Variants in CHST9 observed in about 807,000 individuals in gnomAD.
CHST9 encodes carbohydrate sulfotransferase 9, also known as GalNAc-4-sulfotransferase 2.
CHST9 carries 41 observed loss-of-function variants against 44.4 expected under a neutral mutation model. The observed-to-expected ratio is 0.92, with a 90% CI of 0.72 to 1.20. CHST9 has a LOEUF of 1.20. Ranked by LOEUF, CHST9 falls within the 50% of genes most tolerant of loss-of-function variation. CHST9 has a pLI of 0.00. For missense variants in CHST9, 504 were observed against 516.5 expected, an observed-to-expected ratio of 0.98 and a Z score of 0.23; for synonymous variants, 171 against 178.4, an observed-to-expected ratio of 0.96 and a Z score of 0.33.
chr18:27,142,080 T>C (rs2058572970), intron 2 of CHST9, among the ~76,000 whole-genome samples: 1 of 152,216 alleles, frequency 6.6e-6, no homozygotes, highest in Admixed American at 6.5e-5. Flanking sequence ...CCAGCTGTTT[T>C]TGTAAATAAA....
chr18:26,910,846 A>G lies in CHST9; in HGVS notation c.*5413T>C, dbSNP rs150283552. 4 of 152,298 alleles carry G rather than the reference A, an allele frequency of 2.6e-5. No homozygotes were observed. The highest frequency in any genetic ancestry group is 7.2e-5 in the African/African-American group (3 of 41,576). The allele number at this position is 152,298 out of a possible 1,614,324, so 9.4% of individuals were successfully genotyped here. ...TTGGAAACGGTTAGACTTACTCTTC[A>G]TGTCATTAAATGAATGTATGCAAAG... On this transcript the variant is annotated 3_prime_UTR_variant, in exon 6 of 6. Coordinates refer to ENST00000618847, the MANE Select transcript of CHST9 (RefSeq NM_031422.6).
chr18:26,924,042 G>A (rs2055715228), intron 5 of CHST9, among the ~76,000 whole-genome samples: 1 of 152,134 alleles, frequency 6.6e-6, no homozygotes, highest in South Asian at 2.1e-4. Flanking sequence ...GATATAAACA[G>A]TCAGACTTTA....
At chr18:27,150,991 G>A (rs2058654940) in intron 1 of CHST9, among the ~76,000 whole-genome samples, 1 of 152,140 alleles carries the variant, frequency 6.6e-6, no homozygotes, top group South Asian at 2.1e-4. Context: ...ACTGTGGTAT[G>A]TAGTTTAATG....
intron 2 of CHST9, among the ~76,000 whole-genome samples, chr18:27,068,975 G>A (rs1485045876): frequency 2.0e-5 from 3 of 152,140 alleles, no homozygotes; most frequent in Admixed American, 2.0e-4. Context: ...GAAAGCTTTT[G>A]TTGTATTTTG....
At chr18:27,118,985 G>C (rs534811136) in intron 2 of CHST9, among the ~76,000 whole-genome samples, 2 of 152,082 alleles carry the variant, frequency 1.3e-5, no homozygotes, top group African/African-American at 4.8e-5. Flanking sequence ...ATGTTGGCAC[G>C]TATTCATTTT....
At chr18:27,180,424 G>A (rs563032498) in intron 1 of CHST9, among the ~76,000 whole-genome samples, 77 of 152,210 alleles carry the variant, frequency 5.1e-4, no homozygotes, top group African/African-American at 1.8e-3. Context: ...TTTTAAAAAA[G>A]AGGACAGAGT....
At chr18:27,145,915 A>G (rs2058608253) in intron 1 of CHST9, among the ~76,000 whole-genome samples, 1 of 152,232 alleles carries the variant, frequency 6.6e-6, no homozygotes, top group South Asian at 2.1e-4. Context: ...GAACAGACAT[A>G]ATTCCTGGGT....
chr18:27,171,630 G>A (rs1211107215), intron 1 of CHST9, among the ~76,000 whole-genome samples: 1 of 152,056 alleles, frequency 6.6e-6, no homozygotes. Context: ...AAGAGAACGT[G>A]GTTGTTTTAC....
chr18:26,990,691 T>A (rs143863080), intron 4 of CHST9, among the ~76,000 whole-genome samples: 1 of 152,306 alleles, frequency 6.6e-6, no homozygotes, highest in East Asian at 1.9e-4. Context: ...TTCCTTTGTG[T>A]CTCATTCCTC....
Position 27,058,588 on chromosome 18 carries a change from C to T in CHST9, c.122-10085G>A, listed in dbSNP as rs77214725. On this transcript the variant is annotated intron_variant, in intron 2 of 5. Coordinates refer to ENST00000618847, the MANE Select transcript of CHST9 (RefSeq NM_031422.6). ...TGTAAGAAATCAGACAACCCTAAGA[C>T]CACCATGCTGTAAGGAAGCTCTAGC... Among the ~76,000 whole-genome samples, 585 of 152,276 alleles carry T rather than the reference C, an allele frequency of 3.8e-3. 4 individuals are homozygous for T. The highest frequency in any genetic ancestry group is 0.014 in the African/African-American group (563 of 41,566).
intron 2 of CHST9, among the ~76,000 whole-genome samples, chr18:27,087,185 C>A (rs1018744118): frequency 6.6e-6 from 1 of 152,158 alleles, no homozygotes; most frequent in Non-Finnish European, 1.5e-5. Context: ...GAATTGGACT[C>A]TATTCTCTTT....
At chr18:26,934,237 CTTTT>C (rs1201999943) in intron 5 of CHST9, 6 of 143,000 alleles carry the variant, frequency 4.2e-5, no homozygotes, top group South Asian at 2.3e-4. Context: ...TTCTTTCTTT[CTTTT>C]TTTTTTTTTT....
chr18:27,026,490 T>C (rs556926915), intron 3 of CHST9, among the ~76,000 whole-genome samples: 15 of 152,296 alleles, frequency 9.8e-5, no homozygotes, highest in African/African-American at 3.4e-4. Context: ...TTGAATTGTC[T>C]CCTAAGGAAA....
intron 5 of CHST9, among the ~76,000 whole-genome samples, chr18:26,942,223 T>C (rs540594395): frequency 6.6e-6 from 1 of 152,312 alleles, no homozygotes; most frequent in South Asian, 2.1e-4. Flanking sequence ...ATTAGAGGTA[T>C]AAGATACCTT....
At chr18:27,175,903 G>C (rs961942240) in intron 1 of CHST9, among the ~76,000 whole-genome samples, 5 of 152,040 alleles carry the variant, frequency 3.3e-5, no homozygotes, top group African/African-American at 4.8e-5. Context: ...ATACATAAAT[G>C]TGTATATACT....
chr18:27,165,268 A>G (rs2058781120), intron 1 of CHST9, among the ~76,000 whole-genome samples: 1 of 152,238 alleles, frequency 6.6e-6, no homozygotes, highest in Admixed American at 6.5e-5. Flanking sequence ...ATGAAAGAGT[A>G]AGATGCTATT....
At chr18:27,159,368 C>G (rs2058726350) in intron 1 of CHST9, among the ~76,000 whole-genome samples, 1 of 152,162 alleles carries the variant, frequency 6.6e-6, no homozygotes. Context: ...AATAGGGAAT[C>G]CTTTCCCCAT....
intron 2 of CHST9, among the ~76,000 whole-genome samples, chr18:27,096,152 C>T (rs895725738): frequency 2.0e-5 from 3 of 152,010 alleles, no homozygotes; most frequent in Non-Finnish European, 4.4e-5. Context: ...CACAATATCA[C>T]ATGGAAATTA....
intron 5 of CHST9, among the ~76,000 whole-genome samples, chr18:26,926,973 C>T (rs1007460760): frequency 1.2e-4 from 18 of 152,062 alleles, no homozygotes; most frequent in Admixed American, 7.2e-4. Flanking sequence ...TTAATATTTC[C>T]GTGTATTTAG....
Sources: allele counts gnomAD v4.1 joint callset (sites outside exome capture counted in the v4.1 genomes callset), GRCh38; gene constraint gnomAD v4.1.1; transcripts MANE v1.5; gene names NCBI Gene and HGNC (gene_info 2026-07-23, HGNC 2026-07-21).